The following LMBR1 variants were observed in gnomAD, a reference collection of about 807,000 sequenced individuals.
LMBR1 encodes the protein limb development membrane protein 1.
Under a neutral mutation model 73.9 loss-of-function variants are expected in LMBR1, and 52 were observed. The ratio of observed to expected loss-of-function variants is 0.70; its 90% CI spans 0.56 to 0.89. The LOEUF (loss-of-function observed/expected upper bound fraction) is 0.89, where lower values mean the gene tolerates loss of function less well. LMBR1 is among the 40% of genes least tolerant of loss of function. The pLI is 0.00. For missense variants in LMBR1, 539 were observed against 579.8 expected (o/e 0.93, Z 0.72); for synonymous variants, 215 against 209.4 (o/e 1.03, Z -0.23).
At chr7:156,724,888 CTTT>C (rs1417025111) in intron 14 of LMBR1, among the ~76,000 whole-genome samples, 3 of 151,608 alleles carry the variant, frequency 2.0e-5, no homozygotes, top group Non-Finnish European at 2.9e-5. Context: ...AGTTATTCTT[CTTT>C]GTCAGCCTAC....
chr7:156,888,273 G>A (rs1225157819), intron 1 of LMBR1, among the ~76,000 whole-genome samples: 1 of 152,104 alleles, frequency 6.6e-6, no homozygotes, highest in Admixed American at 6.5e-5. Flanking sequence ...AGCTGGGCGT[G>A]GTGGCGGGTG....
At chr7:156,853,717 G>A (rs934413885) in intron 1 of LMBR1, among the ~76,000 whole-genome samples, 5 of 152,006 alleles carry the variant, frequency 3.3e-5, no homozygotes, top group East Asian at 1.9e-4. Flanking sequence ...GTGCAGTGGC[G>A]TGATCTCAGC....
intron 9 of LMBR1, among the ~76,000 whole-genome samples, chr7:156,741,636 A>G (rs1173654247): frequency 1.3e-5 from 2 of 152,182 alleles, no homozygotes; most frequent in East Asian, 3.8e-4. Flanking sequence ...CCAATGGAGC[A>G]TCCAGATATA....
At chr7:156,744,334 T>C (rs1033174165) in intron 9 of LMBR1, among the ~76,000 whole-genome samples, 6 of 151,842 alleles carry the variant, frequency 4.0e-5, no homozygotes, top group African/African-American at 1.4e-4. Context: ...ATGTGAAAGT[T>C]TGTAAGGGCT....
At position 156,756,712 on chromosome 7, in the gene LMBR1, G is replaced by A. The variant is rs913343678; in HGVS notation, c.685-247C>T. On this transcript the variant is annotated intron_variant, in intron 8 of 16. Coordinates refer to ENST00000353442, the MANE Select transcript of LMBR1 (RefSeq NM_022458.4). ...AAATTGGATATTTTTAAAGTTTAAG[G>A]GATTAAACTAAGGAACTCTTCTCAA... Among the ~76,000 whole-genome samples, 7 of 152,026 alleles carry A rather than the reference G, an allele frequency of 4.6e-5. No homozygotes were observed. The South Asian group carries it at 1.5e-3, about 32-fold the overall frequency.
At chr7:156,730,592 T>C (rs1487309941) in intron 10 of LMBR1, among the ~76,000 whole-genome samples, 1 of 151,896 alleles carries the variant, frequency 6.6e-6, no homozygotes, top group Non-Finnish European at 1.5e-5. Context: ...CCATGCAGAG[T>C]TTCTATAGTT....
intron 16 of LMBR1, 71 bp downstream of exon 16, chr7:156,687,959 T>C: frequency 7.5e-7 from 1 of 1,331,772 alleles, no homozygotes; most frequent in Non-Finnish European, 1.0e-6. Flanking sequence ...TAGCTGAAGA[T>C]GTAATATTAA....
chr7:156,822,448 C>T (rs1834943015), intron 4 of LMBR1: 1 of 152,134 alleles, frequency 6.6e-6, no homozygotes. Context: ...GACTCCAAAA[C>T]CTGCATACCT....
chr7:156,814,957 G>C (rs1465527808), intron 4 of LMBR1, among the ~76,000 whole-genome samples: 1 of 151,946 alleles, frequency 6.6e-6, no homozygotes, highest in Non-Finnish European at 1.5e-5. Flanking sequence ...GAGAGCTCGA[G>C]ACCACCCTGA....
At chr7:156,866,656 A>T (rs1186127990) in intron 1 of LMBR1, among the ~76,000 whole-genome samples, 1 of 140,420 alleles carries the variant, frequency 7.1e-6, no homozygotes, top group African/African-American at 2.7e-5. Flanking sequence ...CCCAGGCTAG[A>T]GTGCAGTGGC....
intron 1 of LMBR1, among the ~76,000 whole-genome samples, chr7:156,881,646 T>C (rs1048499742): frequency 6.6e-6 from 1 of 152,030 alleles, no homozygotes; most frequent in African/African-American, 2.4e-5. Flanking sequence ...AACTAGTAAC[T>C]TGATTAAAAA....
chr7:156,807,170 C>A (rs1052708532), intron 4 of LMBR1, among the ~76,000 whole-genome samples: 2 of 152,188 alleles, frequency 1.3e-5, no homozygotes, highest in Middle Eastern at 3.2e-3. Flanking sequence ...GTTCGTGACA[C>A]TGGCCTGTCA....
At chr7:156,853,334 A>T (rs572009475) in intron 1 of LMBR1, among the ~76,000 whole-genome samples, 67 of 151,234 alleles carry the variant, frequency 4.4e-4, no homozygotes, top group African/African-American at 1.4e-3. Flanking sequence ...TTTCTCTTTT[A>T]AAAAAAAATG....
At chr7:156,745,809 C>T (rs993771863) in intron 9 of LMBR1, among the ~76,000 whole-genome samples, 1 of 152,184 alleles carries the variant, frequency 6.6e-6, no homozygotes, top group Non-Finnish European at 1.5e-5. Flanking sequence ...CAATCGAATA[C>T]CCTCTCTTTC....
Position 156,849,679 on chromosome 7 carries a change from G to A in LMBR1, c.67-12794C>T, listed in dbSNP as rs1193075703. ...AGTTGTTTGTTGCCAGGGGTTGAGG[G>A]GAGGAAGGAATGAACAGGCAGAGCT... On this transcript the variant is annotated intron_variant, in intron 1 of 16. Transcript: ENST00000353442. Among the ~76,000 whole-genome samples the A allele has an allele frequency of 2.0e-5, 3 of 152,280 alleles. No homozygotes were observed. In the East Asian group the frequency reaches 5.8e-4, roughly 29 times the overall value.
At chr7:156,840,483 G>A (rs902596303) in intron 1 of LMBR1, among the ~76,000 whole-genome samples, 1 of 152,046 alleles carries the variant, frequency 6.6e-6, no homozygotes, top group Non-Finnish European at 1.5e-5. Context: ...CTCAAACAAT[G>A]AGTGGGCAGA....
intron 15 of LMBR1, among the ~76,000 whole-genome samples, chr7:156,723,836 T>C (rs1012860364): frequency 2.6e-5 from 4 of 152,144 alleles, no homozygotes; most frequent in African/African-American, 4.8e-5. Flanking sequence ...GCCTAACTTA[T>C]AGATGTGTCA....
At chr7:156,780,641 A>T (rs1826965327) in intron 5 of LMBR1, among the ~76,000 whole-genome samples, 1 of 152,212 alleles carries the variant, frequency 6.6e-6, no homozygotes, top group East Asian at 1.9e-4. Context: ...AAGAAATGAG[A>T]ACTAACACTT....
intron 9 of LMBR1, among the ~76,000 whole-genome samples, chr7:156,749,754 A>C (rs938399918): frequency 7.2e-5 from 11 of 152,176 alleles, no homozygotes; most frequent in Non-Finnish European, 8.8e-5. Context: ...CAATGGCGTG[A>C]TCTCGGCTCA....
Sources: allele counts gnomAD v4.1 joint callset (sites outside exome capture counted in the v4.1 genomes callset), GRCh38; gene constraint gnomAD v4.1.1; transcripts MANE v1.5; gene names NCBI Gene and HGNC (gene_info 2026-07-23, HGNC 2026-07-21).